COL4A6: variants seen among roughly 807,000 people sequenced by gnomAD.
COL4A6 encodes collagen type IV alpha 6 chain.
In COL4A6, 59 loss-of-function variants were observed where a neutral mutation model predicts 126.7. The observed-to-expected ratio is 0.47, with a 90% confidence interval of 0.38 to 0.58. COL4A6 has a LOEUF of 0.58. Ranked by LOEUF, COL4A6 falls within the 20% of genes least tolerant of loss-of-function variation. The probability of loss-of-function intolerance (pLI) is 0.00; values close to 1 mark genes in which losing one functional copy is unlikely to be tolerated. For missense variants in COL4A6, 1,285 were observed against 1,337.3 expected, an observed-to-expected ratio of 0.96 and a Z score of 0.61; for synonymous variants, 547 against 496.6, an observed-to-expected ratio of 1.10 and a Z score of -1.35.
At chrX:108,245,461 C>T (rs1270396992) in intron 3 of COL4A6, among the ~76,000 whole-genome samples, 2 of 111,916 alleles carry the variant, frequency 1.8e-5, no homozygotes, top group African/African-American at 6.5e-5. Flanking sequence ...TCCCCCAAAG[C>T]TGTGACGTAT....
At chrX:108,402,246 G>A (rs1038160151) in intron 2 of COL4A6, among the ~76,000 whole-genome samples, 4 of 110,950 alleles carry the variant, frequency 3.6e-5, no homozygotes, top group South Asian at 3.7e-4. Context: ...TTCTTTAATC[G>A]TTATTCTTCT....
rs1264084472 is a variant in COL4A6, at chrX:108,187,139, G to A, written c.1908C>T (p.Gly636=). Reference sequence around the variant, plus strand: ...CTTGTTGTCCCGGTAATCCATCCTTGCCTTTATCTCCAGGAAGCCCACGGG... The same window carrying A: ...CTTGTTGTCCCGGTAATCCATCCTTACCTTTATCTCCAGGAAGCCCACGGG... ...PGPRGLPGDK[G]KDGLPGQQGL... Residue 636 remains glycine, a synonymous_variant, in exon 23 of 45, where the codon GGC becomes GGT. Coordinates refer to ENST00000334504, the MANE Select transcript of COL4A6 (RefSeq NM_033641.4). 4 of 1,188,292 alleles carry A rather than the reference G, an allele frequency of 3.4e-6. No individual in the cohort carries two copies. The highest frequency in any genetic ancestry group is 4.5e-6 in the Non-Finnish European group (4 of 882,014).
intron 3 of COL4A6, among the ~76,000 whole-genome samples, chrX:108,266,300 G>A (rs922467819): frequency 9.0e-6 from 1 of 111,309 alleles, no homozygotes; most frequent in Non-Finnish European, 1.9e-5. Flanking sequence ...ATAGGTGAAA[G>A]AGCAGATGCC....
chrX:108,174,693 C>G, intron 30 of COL4A6, 72 bp from the exon 31 acceptor site: 1 of 976,780 alleles, frequency 1.0e-6, no homozygotes, highest in Admixed American at 3.2e-5. Flanking sequence ...GATGCAGGTG[C>G]CCCAGGTCGC....
chrX:108,207,643 A>G (rs2035586131), intron 8 of COL4A6, among the ~76,000 whole-genome samples: 1 of 111,520 alleles, frequency 9.0e-6, no homozygotes, highest in African/African-American at 3.3e-5. Context: ...TTATAAAAGG[A>G]TGGTTGCATC....
intron 3 of COL4A6, among the ~76,000 whole-genome samples, chrX:108,249,695 C>T (rs2036803272): frequency 9.0e-6 from 1 of 110,989 alleles, no homozygotes; most frequent in African/African-American, 3.3e-5. Flanking sequence ...TCCTTCACAT[C>T]CACCCCAAAA....
chrX:108,370,815 T>C lies in COL4A6; in HGVS notation c.64-59987A>G, dbSNP rs893782819. 1.1e-4 allele frequency among the ~76,000 whole-genome samples: 12 copies of C among 111,375 alleles called. No individual in the cohort carries two copies. The Admixed American group carries it at 1.1e-3, about 11-fold the overall frequency. ...CTAGCCCAGCGTCCAGCACATAGTATGTGTTGTTATTACTTACCAATCTCC... is the reference window on the plus strand; with the variant it reads ...CTAGCCCAGCGTCCAGCACATAGTACGTGTTGTTATTACTTACCAATCTCC... On this transcript the variant is annotated intron_variant, in intron 2 of 44. Transcript: ENST00000334504.
In COL4A6 at chrX:108,164,974, T is replaced by C; in HGVS notation, c.3873A>G (p.Gly1291=). 8.3e-7 allele frequency: 1 copy of C among 1,210,908 alleles called. No homozygotes were observed. The highest frequency in any genetic ancestry group is 1.1e-6 in the Non-Finnish European group (1 of 895,216). ...PGPSSNQGDT[G]DPGFPGIPGP... The stretch of plus-strand genomic sequence containing the variant: ...CAGGAATTCCAGGGAAGCCAGGGTC[T>C]CCGGTGTCGCCTTGATTCGAGGATG... The change falls in exon 39 of 45, where the codon GGA becomes GGG. Residue 1291 remains glycine, a synonymous_variant. Transcript: ENST00000334504.
chrX:108,402,500 T>G (rs1176878133), intron 2 of COL4A6, among the ~76,000 whole-genome samples: 1 of 111,101 alleles, frequency 9.0e-6, no homozygotes, highest in Non-Finnish European at 1.9e-5. Context: ...TAATTTCTCC[T>G]CCTAACTTTT....
At position 108,303,132 on chromosome X, in the gene COL4A6, G is replaced by A. The variant is rs138040886; in HGVS notation, c.144+7616C>T. On this transcript the variant is annotated intron_variant, in intron 3 of 44. Coordinates refer to ENST00000334504, the MANE Select transcript of COL4A6 (RefSeq NM_033641.4). ...TGCTGCTGCAGTTTTCATGTGTGCTGATAAATGACAAAAAATAGAAACTGG... is the reference window on the plus strand; with the variant it reads ...TGCTGCTGCAGTTTTCATGTGTGCTAATAAATGACAAAAAATAGAAACTGG... Among the ~76,000 whole-genome samples the A allele has an allele frequency of 4.9e-3, 537 of 109,914 alleles. 3 individuals carry two copies. The highest frequency in any genetic ancestry group is 0.016 in the African/African-American group (487 of 30,129).
intron 2 of COL4A6, among the ~76,000 whole-genome samples, chrX:108,328,637 C>T (rs1485770710): frequency 9.0e-6 from 1 of 111,695 alleles, no homozygotes; most frequent in Non-Finnish European, 1.9e-5. Flanking sequence ...CAGATTAAAG[C>T]CATTATGAAC....
rs150725896 is a variant in COL4A6 at position 108,158,488 on chromosome X, A to G, written c.4812+974T>C. Among the ~76,000 whole-genome samples, 325 of 112,464 alleles carry G rather than the reference A, an allele frequency of 2.9e-3. 1 individual carries two copies. Among genetic ancestry groups the G allele is most frequent in the African/African-American group, 0.01 (318 of 30,939 alleles). On this transcript the variant is annotated intron_variant, in intron 44 of 44. Coordinates refer to ENST00000334504, the MANE Select transcript of COL4A6 (RefSeq NM_033641.4). The stretch of plus-strand genomic sequence containing the variant: ...CCCATAAGCAGGGCACATGAGATTT[A>G]GTACACAGCATTTGTACCATTTCCT...
At chrX:108,321,264 C>T (rs1365682865) in intron 2 of COL4A6, among the ~76,000 whole-genome samples, 2 of 111,971 alleles carry the variant, frequency 1.8e-5, no homozygotes, top group African/African-American at 6.5e-5. Context: ...ACTTTTTCAA[C>T]ATAGAAAGTT....
intron 2 of COL4A6, among the ~76,000 whole-genome samples, chrX:108,344,853 A>G (rs372582420): frequency 5.3e-4 from 59 of 112,028 alleles, no homozygotes; most frequent in African/African-American, 1.8e-3. Flanking sequence ...GAATCCAGAT[A>G]TAAATTCAAA....
In COL4A6 at chrX:108,387,241, A is replaced by G. The variant is rs775396518; in HGVS notation, c.63+50701T>C. Among the ~76,000 whole-genome samples the G allele has an allele frequency of 2.6e-4, 29 of 112,146 alleles. No individual in the cohort carries two copies. The South Asian group carries it at 0.011, about 42-fold the overall frequency. The stretch of plus-strand genomic sequence containing the variant: ...ATGAAATTTGAAGTAGTTTTTTCCA[A>G]TTCCGTGAAGAAAGTCAATGGTAGC... On this transcript the variant is annotated intron_variant, in intron 2 of 44. Coordinates refer to ENST00000334504, the MANE Select transcript of COL4A6 (RefSeq NM_033641.4).
At chrX:108,297,007 C>T (rs2038346419) in intron 3 of COL4A6, among the ~76,000 whole-genome samples, 1 of 112,074 alleles carries the variant, frequency 8.9e-6, no homozygotes, top group African/African-American at 3.2e-5. Context: ...ATGTGTTTGT[C>T]ACTTGTGACC....
At chrX:108,404,634 C>A (rs1227946995) in intron 2 of COL4A6, among the ~76,000 whole-genome samples, 1 of 111,997 alleles carries the variant, frequency 8.9e-6, no homozygotes, top group Non-Finnish European at 1.9e-5. Flanking sequence ...CTGTTCATCT[C>A]ATCATATCCA....
chrX:108,282,530 C>G (rs2037870201), intron 3 of COL4A6, among the ~76,000 whole-genome samples: 1 of 111,379 alleles, frequency 9.0e-6, no homozygotes, highest in Non-Finnish European at 1.9e-5. Context: ...GAAATACGAA[C>G]AGTTTTACAT....
In COL4A6 at chrX:108,179,236, A is replaced by C. The variant is rs749297486; in HGVS notation, c.2334T>G (p.Ser778=). 8.3e-7 allele frequency: 1 copy of C among 1,211,051 alleles called. No homozygotes were observed. The highest frequency in any genetic ancestry group is 1.1e-6 in the Non-Finnish European group (1 of 894,868). ...ATTCACCCTTGAGTCCTGGAAGGCCAGAGTCTCCAAGAAATCCTTTGTGCC... is the reference window on the plus strand; with the variant it reads ...ATTCACCCTTGAGTCCTGGAAGGCCCGAGTCTCCAAGAAATCCTTTGTGCC... ...LTGHKGFLGD[S]GLPGLKGVHG... is the part of the protein sequence containing the mutation. The change falls in exon 26 of 45, where the codon TCT becomes TCG. Residue 778 remains serine, a synonymous_variant. Transcript: ENST00000334504.
Sources: allele counts gnomAD v4.1 joint callset (sites outside exome capture counted in the v4.1 genomes callset), GRCh38; gene constraint gnomAD v4.1.1; transcripts MANE v1.5; gene names NCBI Gene and HGNC (gene_info 2026-07-23, HGNC 2026-07-21).